PPP1R21: variants seen among roughly 807,000 people sequenced by gnomAD.
The protein encoded by PPP1R21 is protein phosphatase 1 regulatory subunit 21.
In PPP1R21, 85 loss-of-function variants were observed where a neutral mutation model predicts 112.8. The ratio of observed to expected loss-of-function variants is 0.75; its 90% CI spans 0.63 to 0.90. PPP1R21 has a LOEUF of 0.90. Among genes scored for constraint, PPP1R21 ranks in the 40% least tolerant of loss-of-function variants. The pLI, the probability that PPP1R21 is intolerant of heterozygous loss-of-function variation, is 0.00. For missense variants in PPP1R21, 1,199 were observed against 901.5 expected (o/e 1.33, Z -4.23); for synonymous variants, 381 against 322.3 (o/e 1.18, Z -1.95).
chr2:48,456,181 A>C (rs892328619), intron 3 of PPP1R21, among the ~76,000 whole-genome samples: 1 of 151,080 alleles, frequency 6.6e-6, no homozygotes, highest in Non-Finnish European at 1.5e-5. Context: ...TTATATGGTG[A>C]GGTGGGATTC....
rs752748758 is a variant in PPP1R21, at chr2:48,511,449, C to A, written c.2294C>A (p.Thr765Lys). The part of the protein sequence containing the change: ...TLSKQREEID[T>K]LKMSSKGNSK... ...TCTAAACAGAGAGAAGAGATTGACA[C>A]ACTAAAGATGTCCAGTAAGGTATGT... Residue 765 changes from threonine to lysine, a missense_variant, in exon 21 of 22, where the codon ACA (threonine) becomes AAA (lysine). Physicochemically the swap from Thr to Lys is moderately conservative, Grantham distance 78. Coordinates refer to ENST00000294952, the MANE Select transcript of PPP1R21 (RefSeq NM_001135629.3). The A allele has an allele frequency of 1.2e-6, 2 of 1,613,870 alleles. No homozygotes were observed. The highest frequency in any genetic ancestry group is 3.3e-5 in the Admixed American group (2 of 59,942).
intron 11 of PPP1R21, among the ~76,000 whole-genome samples, 186 bp from the exon 12 acceptor site, chr2:48,474,497 A>G (rs184184709): frequency 1.4e-4 from 22 of 152,298 alleles, no homozygotes; most frequent in Middle Eastern, 3.4e-3. Context: ...CTTATATTCC[A>G]TTGGTATTTG....
chr2:48,461,109 G>A (rs1337452438), intron 6 of PPP1R21, 29 bp from the exon 7 acceptor site: 6 of 1,562,152 alleles, frequency 3.8e-6, no homozygotes, highest in African/African-American at 1.4e-5. Context: ...TGGTGATAAT[G>A]TGGTTTTGTA....
intron 1 of PPP1R21, 29 bp downstream of exon 1, chr2:48,441,039 T>TC: frequency 6.5e-7 from 1 of 1,530,914 alleles, no homozygotes; most frequent in Non-Finnish European, 9.0e-7. Flanking sequence ...GAGTAGGGGG[T>TC]CCCCCGCCCT....
rs540095468 is a variant in PPP1R21, at chr2:48,448,522, C to T, written c.58-2486C>T. On this transcript the variant is annotated intron_variant, in intron 1 of 21. Coordinates refer to ENST00000294952, the MANE Select transcript of PPP1R21 (RefSeq NM_001135629.3). ...TCCTTGAAGTAGTCGTTAGGAGCTTCTAAATACCACACAAAGAAGACATGT... is the reference window on the plus strand; with the variant it reads ...TCCTTGAAGTAGTCGTTAGGAGCTTTTAAATACCACACAAAGAAGACATGT... Among the ~76,000 whole-genome samples the T allele has an allele frequency of 2.7e-5, 4 of 146,132 alleles. No individual in the cohort carries two copies. The East Asian group carries it at 7.8e-4, about 29-fold the overall frequency.
chr2:48,470,232 A>G (rs149606603), intron 9 of PPP1R21, among the ~76,000 whole-genome samples: 8 of 152,294 alleles, frequency 5.3e-5, no homozygotes, highest in African/African-American at 1.9e-4. Context: ...ATAAAAAGTT[A>G]TTAAGCTGGG....
chr2:48,490,905 C>A, intron 14 of PPP1R21, 113 bp from the exon 15 acceptor site: 2 of 877,174 alleles, frequency 2.3e-6, no homozygotes, highest in Non-Finnish European at 3.5e-6. Context: ...GTTGAAATTT[C>A]ATTTCCATTT....
At chr2:48,504,981 G>C (rs1670309630) in intron 17 of PPP1R21, among the ~76,000 whole-genome samples, 1 of 151,992 alleles carries the variant, frequency 6.6e-6, no homozygotes, top group Non-Finnish European at 1.5e-5. Context: ...GTGACAGAGG[G>C]AGACCTTGTG....
intron 6 of PPP1R21, among the ~76,000 whole-genome samples, chr2:48,460,492 C>A (rs1667927259): frequency 6.6e-6 from 1 of 152,120 alleles, no homozygotes; most frequent in Admixed American, 6.5e-5. Flanking sequence ...CCATGCCAAT[C>A]TTTTAATGGT....
intron 13 of PPP1R21, among the ~76,000 whole-genome samples, chr2:48,483,307 G>T (rs1313019060): frequency 7.3e-6 from 1 of 136,738 alleles, no homozygotes. Context: ...TCAGCCTCCT[G>T]AGTAGCTGGG....
At chr2:48,466,043 C>T (rs986938146) in intron 9 of PPP1R21, among the ~76,000 whole-genome samples, 3 of 152,092 alleles carry the variant, frequency 2.0e-5, no homozygotes, top group Admixed American at 2.0e-4. Flanking sequence ...ATTTTTAAAA[C>T]CATCAGATCT....
chr2:48,488,765 A>G (rs1440716678), intron 14 of PPP1R21, among the ~76,000 whole-genome samples: 2 of 152,258 alleles, frequency 1.3e-5, no homozygotes, highest in Non-Finnish European at 2.9e-5. Flanking sequence ...AGTTGGTATC[A>G]GCTTAATATT....
intron 17 of PPP1R21, among the ~76,000 whole-genome samples, chr2:48,502,685 T>C (rs1323527393): frequency 1.4e-5 from 2 of 144,674 alleles, no homozygotes; most frequent in East Asian, 4.0e-4. Context: ...TCTTTTTTTT[T>C]TTTTTTTTTT....
At chr2:48,509,162 A>T (rs1371646681) in intron 19 of PPP1R21, among the ~76,000 whole-genome samples, 1 of 152,124 alleles carries the variant, frequency 6.6e-6, no homozygotes, top group Non-Finnish European at 1.5e-5. Flanking sequence ...TAGAACCCCT[A>T]AAGAAAGCAG....
At chr2:48,482,306 C>G (rs1362542087) in intron 13 of PPP1R21, among the ~76,000 whole-genome samples, 1 of 152,166 alleles carries the variant, frequency 6.6e-6, no homozygotes, top group Non-Finnish European at 1.5e-5. Flanking sequence ...GACAAATCCA[C>G]TTTGTTGGTA....
intron 17 of PPP1R21, 60 bp downstream of exon 17, chr2:48,498,795 A>C: frequency 6.5e-7 from 1 of 1,527,356 alleles, no homozygotes; most frequent in South Asian, 1.1e-5. Context: ...GTAAGTATCT[A>C]ATGTTCAACA....
intron 12 of PPP1R21, among the ~76,000 whole-genome samples, chr2:48,479,288 G>C (rs1355095541): frequency 6.6e-6 from 1 of 152,204 alleles, no homozygotes; most frequent in Non-Finnish European, 1.5e-5. Context: ...CGTGTTCTTG[G>C]CTATACCTAT....
At chr2:48,465,697 G>A in intron 9 of PPP1R21, 55 bp downstream of exon 9, 1 of 1,546,200 alleles carries the variant, frequency 6.5e-7, no homozygotes, top group Non-Finnish European at 8.8e-7. Context: ...GGGAGATATT[G>A]TTTGTTTTTA....
intron 1 of PPP1R21, chr2:48,441,250 C>T (rs377714992): frequency 1.7e-6 from 1 of 574,336 alleles, no homozygotes; most frequent in Non-Finnish European, 3.1e-6. Context: ...TTGATTCTTC[C>T]TTTTCACTGA....
Sources: gnomAD v4.1 joint callset for allele counts (sites outside exome capture counted in the v4.1 genomes callset) on GRCh38, gnomAD v4.1.1 for gene constraint, MANE v1.5 for transcripts, NCBI Gene and HGNC (gene_info 2026-07-23, HGNC 2026-07-21) for gene names.